The following CCDC88B variants were observed in gnomAD, a reference collection of about 807,000 sequenced individuals.
The protein encoded by CCDC88B is coiled-coil domain-containing protein 88B.
CCDC88B carries 138 observed loss-of-function variants against 183.7 expected under a neutral mutation model. That is an observed-to-expected ratio of 0.75 (90% CI 0.65 to 0.87). CCDC88B has a LOEUF of 0.87. Among genes scored for constraint, CCDC88B ranks in the 40% least tolerant of loss-of-function variants. The probability of loss-of-function intolerance (pLI) is 0.00; values close to 1 mark genes in which losing one functional copy is unlikely to be tolerated. For synonymous variants in CCDC88B, 835 were observed against 867.5 expected (o/e 0.96, Z 0.66); for missense variants, 1,822 against 1,965.6 (o/e 0.93, Z 1.38).
At chr11:64,351,340 A>G in intron 17 of CCDC88B, 85 bp downstream of exon 17, 1 of 1,481,234 alleles carries the variant, frequency 6.8e-7, no homozygotes, top group Non-Finnish European at 9.1e-7. Context: ...GCTGGGGGGT[A>G]TCCCGTGCAG....
At chr11:64,346,899 A>G (rs2036133746) in intron 14 of CCDC88B, among the ~76,000 whole-genome samples, 1 of 151,160 alleles carries the variant, frequency 6.6e-6, no homozygotes, top group Non-Finnish European at 1.5e-5. Flanking sequence ...GGTTCAAGCG[A>G]TTTTCCTGCC....
chr11:64,342,678 G>T lies in CCDC88B; in HGVS notation c.1060G>T (p.Glu354Ter), dbSNP rs1469863311. The change falls in exon 10 of 27, where the codon GAG becomes TAG. Residue 354 changes from glutamate to a stop codon, truncating the protein, a stop_gained and splice_region_variant. Transcript: ENST00000356786. LOFTEE classifies it high-confidence loss of function. ...QAAEAYKSQL[E>*]EERVLSGVLE... ...GGCTGAGGCCTACAAGAGTCAGCTG[G>T]AGGTGAGGCGGAGACGGAGCCGCGG... The T allele has an allele frequency of 6.7e-7, 1 of 1,488,778 alleles. No homozygotes were observed. Among genetic ancestry groups the T allele is most frequent in the African/African-American group, 1.4e-5 (1 of 70,730 alleles). The allele number at this position is 1,488,778 out of a possible 1,614,324, so 92.2% of individuals were successfully genotyped here. A position where few individuals can be genotyped will look rare whatever the true frequency, so the allele number is the denominator to read the frequency against.
intron 14 of CCDC88B, among the ~76,000 whole-genome samples, chr11:64,346,793 T>C (rs986398854): frequency 1.5e-5 from 2 of 135,964 alleles, no homozygotes; most frequent in Non-Finnish European, 3.1e-5. Context: ...CTGGCTAGTT[T>C]CTTTCTTTTC....
rs375634325 is a variant in CCDC88B at position 64,344,856 on chromosome 11, C to T, written c.2315C>T (p.Ala772Val). The change falls in exon 14 of 27, where the codon GCG becomes GTG. Residue 772 changes from alanine (A) to valine (V), a missense_variant. Ala to Val is a moderately conservative substitution (Grantham distance 64). Transcript: ENST00000356786. This position sits in a 1 kb window ranked among gnomAD's most constrained non-coding sequence, Gnocchi z 4.5. Reference protein sequence around the residue: ...AARLSKELAQARRAEAEAHRE... With the variant: ...AARLSKELAQVRRAEAEAHRE... The stretch of plus-strand genomic sequence containing the variant: ...CGCCTCTCCAAGGAGCTGGCCCAAG[C>T]GCGAAGGGCAGAGGCCGAGGCCCAC... The T allele has an allele frequency of 2.0e-4, 319 of 1,610,080 alleles. No individual in the cohort carries two copies. Among genetic ancestry groups the T allele is most frequent in the African/African-American group, 2.7e-4 (20 of 74,862 alleles).
At chr11:64,342,213 G>A in intron 8 of CCDC88B, 74 bp downstream of exon 8, 1 of 1,583,354 alleles carries the variant, frequency 6.3e-7, no homozygotes, top group Non-Finnish European at 8.6e-7. Flanking sequence ...CCTAGCCCTG[G>A]TGGCTACGGG....
In CCDC88B at chr11:64,343,911, C is replaced by G; in HGVS notation, c.1452C>G (p.Gly484=). ...LLQVLQGQPG[G]QHPLLEAPRE... is the part of the protein sequence containing the mutation. Reference sequence around the variant, plus strand: ...AGGTGCTTCAGGGGCAGCCAGGGGGCCAGGTAAGTCCCCTCCCCCAGGGTC... The same window carrying G: ...AGGTGCTTCAGGGGCAGCCAGGGGGGCAGGTAAGTCCCCTCCCCCAGGGTC... Residue 484 remains glycine, a synonymous_variant, in exon 13 of 27, where the codon GGC becomes GGG. Transcript: ENST00000356786. 1 of 1,597,804 alleles carries G rather than the reference C, an allele frequency of 6.3e-7. No homozygotes were observed. Among genetic ancestry groups the G allele is most frequent in the Admixed American group, 1.7e-5 (1 of 57,876 alleles).
In CCDC88B at chr11:64,353,184, C is replaced by A. The variant is rs1375505328; in HGVS notation, c.3631C>A (p.Arg1211Ser). 1 of 1,579,312 alleles carries A rather than the reference C, an allele frequency of 6.3e-7. No individual in the cohort carries two copies. Among genetic ancestry groups the A allele is most frequent in the Non-Finnish European group, 8.6e-7 (1 of 1,163,342 alleles). ...AQLEMQSQQL[R>S]ESNQQLDLSA... ...GCTGGAGATGCAGAGCCAGCAGCTG[C>A]GCGAGTCCAACCAGCAGCTGGACCT... The change falls in exon 21 of 27, where the codon CGC (arginine) becomes AGC (serine). Residue 1211 changes from arginine to serine, a missense_variant. Arg to Ser is a moderately radical substitution (Grantham distance 110). Coordinates refer to ENST00000356786, the MANE Select transcript of CCDC88B (RefSeq NM_032251.6).
At chr11:64,340,832 T>C in intron 2 of CCDC88B, 75 bp from the exon 3 acceptor site, 2 of 1,542,284 alleles carry the variant, frequency 1.3e-6, no homozygotes, top group Non-Finnish European at 1.7e-6. Context: ...TGATGCTCAG[T>C]GGGCGGGGCC....
chr11:64,353,840 G>A, intron 23 of CCDC88B, 27 bp downstream of exon 23: 1 of 1,612,750 alleles, frequency 6.2e-7, no homozygotes. Flanking sequence ...CCTCCCTCAG[G>A]CTGGACATCC....
chr11:64,344,069 G>A lies in CCDC88B; in HGVS notation c.1528G>A (p.Ala510Thr). 6.2e-7 allele frequency: 1 copy of A among 1,605,444 alleles called. No homozygotes were observed. The highest frequency in any genetic ancestry group is 2.2e-5 in the East Asian group (1 of 44,720). Residue 510 changes from alanine to threonine, a missense_variant, in exon 14 of 27, where the codon GCC becomes ACC. Coordinates refer to ENST00000356786, the MANE Select transcript of CCDC88B (RefSeq NM_032251.6). This position sits in a 1 kb window ranked among gnomAD's most constrained non-coding sequence, Gnocchi z 4.5. ...VLEEAPQTPV[A>T]FDHSPQGLVQ... The stretch of plus-strand genomic sequence containing the variant: ...GGAGGAGGCTCCCCAGACTCCTGTG[G>A]CCTTCGACCACAGCCCTCAGGGCTT...
At chr11:64,345,527 T>C (rs2036074906) in intron 14 of CCDC88B, among the ~76,000 whole-genome samples, 1 of 152,184 alleles carries the variant, frequency 6.6e-6, no homozygotes, top group South Asian at 2.1e-4. Flanking sequence ...TGGTTCATGC[T>C]GGCAAGGGTA....
At chr11:64,350,065 G>T in intron 16 of CCDC88B, 1 of 282,166 alleles carries the variant, frequency 3.5e-6, no homozygotes. Context: ...GCCATCCTCA[G>T]GGAGCTCACA....
chr11:64,351,256 G>A lies in CCDC88B; in HGVS notation c.2958+1G>A. On this transcript the variant is annotated splice_donor_variant, in intron 17 of 26. Transcript: ENST00000356786. LOFTEE classifies it high-confidence loss of function. Reference sequence around the variant, plus strand: ...GCGGCTTATTGAGGTGGAGCGCAGTGTGAGTGTGGGCCCACAGTGGGCCCT... The same window carrying A: ...GCGGCTTATTGAGGTGGAGCGCAGTATGAGTGTGGGCCCACAGTGGGCCCT... 1.3e-6 allele frequency: 2 copies of A among 1,520,142 alleles called. No individual in the cohort carries two copies. The highest frequency in any genetic ancestry group is 1.3e-5 in the South Asian group (1 of 79,110). 94.2% of individuals were successfully genotyped at this position (1,520,142 alleles called of 1,614,324 possible). A position where few individuals can be genotyped will look rare whatever the true frequency, so the allele number is the denominator to read the frequency against.
intron 14 of CCDC88B, among the ~76,000 whole-genome samples, chr11:64,345,582 G>A (rs544821510): frequency 5.3e-5 from 8 of 152,320 alleles, no homozygotes; most frequent in African/African-American, 1.7e-4. Flanking sequence ...CAAGTGCTAC[G>A]AGAGCCCATG....
At chr11:64,356,205 G>C (rs1352607605) in intron 26 of CCDC88B, 1 of 151,740 alleles carries the variant, frequency 6.6e-6, no homozygotes, top group Non-Finnish European at 1.5e-5. Context: ...CACCATGTTG[G>C]TCAGGCTGGT....
intron 14 of CCDC88B, 44 bp downstream of exon 14, chr11:64,345,201 T>A (rs571465874): frequency 1.3e-6 from 2 of 1,525,424 alleles, no homozygotes; most frequent in Admixed American, 4.0e-5. Context: ...GAAGCAGAGT[T>A]CCAGGCTGTT....
rs1318632015 is a variant in CCDC88B at position 64,353,071 on chromosome 11, C to T, written c.3518C>T (p.Ala1173Val). The change falls in exon 21 of 27, where the codon GCA becomes GTA. Residue 1173 changes from alanine to valine, a missense_variant. Coordinates refer to ENST00000356786, the MANE Select transcript of CCDC88B (RefSeq NM_032251.6). ...CTCCCAAGGGCTCAGATGCTGCTGG[C>T]AGAGTTGTCTCGGGAGCGGGGTGAG... ...SEHDRAQMLL[A>V]ELSRERGELQ... 6.2e-7 allele frequency: 1 copy of T among 1,604,342 alleles called. No homozygotes were observed. Among genetic ancestry groups the T allele is most frequent in the African/African-American group, 1.3e-5 (1 of 74,876 alleles).
intron 20 of CCDC88B, 39 bp from the exon 21 acceptor site, chr11:64,353,015 C>A (rs201110470): frequency 6.5e-7 from 1 of 1,543,124 alleles, no homozygotes; most frequent in East Asian, 2.4e-5. Flanking sequence ...GGACTGGGGA[C>A]CCAGGTCCCT....
At position 64,354,177 on chromosome 11, in the gene CCDC88B, C is replaced by G; in HGVS notation, c.4099+7C>G. 7.4e-7 allele frequency: 1 copy of G among 1,344,850 alleles called. No homozygotes were observed. The highest frequency in any genetic ancestry group is 9.6e-7 in the Non-Finnish European group (1 of 1,042,000). 83.3% of individuals were successfully genotyped at this position (1,344,850 alleles called of 1,614,324 possible). A position where few individuals can be genotyped will look rare whatever the true frequency, so the allele number is the denominator to read the frequency against. On this transcript the variant is annotated splice_region_variant and intron_variant, in intron 24 of 26. Coordinates refer to ENST00000356786, the MANE Select transcript of CCDC88B (RefSeq NM_032251.6). The stretch of plus-strand genomic sequence containing the variant: ...AGGGAGGCAGATGGGACAGGTGGGT[C>G]TGGGGGTCAGGTGGCCAGGATGGTC...
Sources: allele counts gnomAD v4.1 joint callset (sites outside exome capture counted in the v4.1 genomes callset), GRCh38; gene constraint gnomAD v4.1.1; non-coding constraint Gnocchi (gnomAD v3.1); transcripts MANE v1.5; gene names NCBI Gene and HGNC (gene_info 2026-07-23, HGNC 2026-07-21).